The following MACROD2 variants were observed in gnomAD, a reference collection of about 807,000 sequenced individuals.
MACROD2 encodes mono-ADP ribosylhydrolase 2.
A neutral mutation model predicts 70.4 loss-of-function variants in MACROD2; 36 were observed. That is an observed-to-expected ratio of 0.51 (90% CI 0.39 to 0.68). MACROD2 has a LOEUF of 0.68. Ranked by LOEUF, MACROD2 falls within the 30% of genes least tolerant of loss-of-function variation. The pLI is 0.00. For synonymous variants in MACROD2, 172 were observed against 178.8 expected (o/e 0.96, Z 0.30); for missense variants, 496 against 538.4 (o/e 0.92, Z 0.78).
rs60107752 is a variant in MACROD2 at position 14,682,249 on chromosome 20, A to G, written c.302-2594A>G. Among the ~76,000 whole-genome samples the G allele has an allele frequency of 5.4e-3, 821 of 152,240 alleles. 16 individuals are homozygous for G. Among genetic ancestry groups the G allele is most frequent in the African/African-American group, 0.019 (783 of 41,550 alleles). On this transcript the variant is annotated intron_variant, in intron 4 of 17. Transcript: ENST00000684519. ...AGCAACTAATTACCTCTTTGCCAAG[A>G]AAACGTTTACTTTAAAATACTTTTC...
Position 14,776,124 on chromosome 20 carries a change from A to T in MACROD2, c.418+91165A>T, listed in dbSNP as rs937516822. On this transcript the variant is annotated intron_variant, in intron 5 of 17. Coordinates refer to ENST00000684519, the MANE Select transcript of MACROD2 (RefSeq NM_001351661.2). ...TTCAGAGACTGAAGAATGCAGACTG[A>T]ACAAACCTGAACCCATACAGGAAAA... Among the ~76,000 whole-genome samples the T allele has an allele frequency of 2.6e-5, 4 of 152,156 alleles. No individual in the cohort carries two copies. The East Asian group carries it at 5.8e-4, about 22-fold the overall frequency.
rs116052757 is a variant in MACROD2 at position 15,977,641 on chromosome 20, C to T, written c.986-9086C>T. On this transcript the variant is annotated intron_variant, in intron 13 of 17. Coordinates refer to ENST00000684519, the MANE Select transcript of MACROD2 (RefSeq NM_001351661.2). ...GACTTCTTATTAAATGGGTGCTGGG[C>T]AGGAAAATATGAATAAAACAAAATT... Among the ~76,000 whole-genome samples the T allele has an allele frequency of 3.9e-3, 588 of 152,156 alleles. 2 individuals carry two copies. The highest frequency in any genetic ancestry group is 0.014 in the African/African-American group (564 of 41,506).
At chr20:15,749,282 A>G (rs1208726174) in intron 8 of MACROD2, among the ~76,000 whole-genome samples, 1 of 152,124 alleles carries the variant, frequency 6.6e-6, no homozygotes, top group Non-Finnish European at 1.5e-5. Flanking sequence ...ATGAAAGAGT[A>G]TGAAACTTTT....
In MACROD2 at chr20:14,465,673, G is replaced by A. The variant is rs568148114; in HGVS notation, c.272-27806G>A. Among the ~76,000 whole-genome samples, 266 of 152,160 alleles carry A rather than the reference G, an allele frequency of 1.7e-3. 3 individuals carry two copies. The highest frequency in any genetic ancestry group is 6.1e-3 in the African/African-American group (255 of 41,476). ...GCATGTTTTTGCAGTGCCTGGTACC[G>A]GTTGTTCCTTTCCATGTTTAGTGCT... On this transcript the variant is annotated intron_variant, in intron 3 of 17. Transcript: ENST00000684519.
chr20:15,708,140 A>G (rs994050507), intron 8 of MACROD2, among the ~76,000 whole-genome samples: 20 of 152,116 alleles, frequency 1.3e-4, no homozygotes, highest in Non-Finnish European at 2.2e-4. Flanking sequence ...GCATTTATTA[A>G]TTAATATATT....
chr20:15,423,312 A>C (rs2046254471), intron 6 of MACROD2, among the ~76,000 whole-genome samples: 1 of 152,164 alleles, frequency 6.6e-6, no homozygotes, highest in Admixed American at 6.5e-5. Context: ...TAGTCTTCTC[A>C]TTGTTCTCCT....
intron 6 of MACROD2, among the ~76,000 whole-genome samples, chr20:15,387,089 T>G (rs1380893018): frequency 6.6e-6 from 1 of 152,076 alleles, no homozygotes; most frequent in Non-Finnish European, 1.5e-5. Context: ...TAATCAAAAT[T>G]CACAGTAAGT....
rs78656328 is a variant in MACROD2 at position 14,975,235 on chromosome 20, G to C, written c.419-254705G>C. 5.1e-3 allele frequency among the ~76,000 whole-genome samples: 774 copies of C among 152,280 alleles called. 5 individuals are homozygous for C. The highest frequency in any genetic ancestry group is 0.018 in the African/African-American group (745 of 41,572). ...ACTGATTAGAGGCTGGACAAAGGAA[G>C]GTGAGCCAGAGAAAAGGAGGCCAAG... is the stretch of plus-strand genomic sequence containing the variant. On this transcript the variant is annotated intron_variant, in intron 5 of 17. Coordinates refer to ENST00000684519, the MANE Select transcript of MACROD2 (RefSeq NM_001351661.2).
At chr20:14,038,080 C>T (rs558774563) in intron 2 of MACROD2, among the ~76,000 whole-genome samples, 10 of 152,160 alleles carry the variant, frequency 6.6e-5, no homozygotes, top group African/African-American at 1.9e-4. Flanking sequence ...GATCACTTCA[C>T]GTCAGGAGTT....
chr20:15,781,002 C>G (rs974315995), intron 8 of MACROD2, among the ~76,000 whole-genome samples: 1 of 152,096 alleles, frequency 6.6e-6, no homozygotes, highest in East Asian at 1.9e-4. Flanking sequence ...CCATGTTTCT[C>G]TAAATCCTAG....
chr20:14,439,928 G>T (rs1325908620), intron 3 of MACROD2, among the ~76,000 whole-genome samples: 1 of 152,180 alleles, frequency 6.6e-6, no homozygotes, highest in Non-Finnish European at 1.5e-5. Flanking sequence ...GAAAGCCCAT[G>T]AAAATGAGAC....
At chr20:14,003,574 A>C in intron 2 of MACROD2, 1 of 390,178 alleles carries the variant, frequency 2.6e-6, no homozygotes, top group South Asian at 2.5e-5. Flanking sequence ...TGGCCTTAAG[A>C]AGCCCCTGCC....
intron 8 of MACROD2, among the ~76,000 whole-genome samples, chr20:15,639,309 C>A (rs140244442): frequency 1.3e-3 from 195 of 152,280 alleles, no homozygotes; most frequent in African/African-American, 4.5e-3. Flanking sequence ...TTGAAGAATT[C>A]ATAATCAGAA....
intron 8 of MACROD2, among the ~76,000 whole-genome samples, chr20:15,794,819 A>G (rs1314249581): frequency 6.6e-6 from 1 of 152,240 alleles, no homozygotes; most frequent in Non-Finnish European, 1.5e-5. Context: ...CATCCGTAAC[A>G]GAGAACGCTA....
chr20:15,601,057 G>A (rs1348369730), intron 8 of MACROD2, among the ~76,000 whole-genome samples: 1 of 152,086 alleles, frequency 6.6e-6, no homozygotes, highest in Non-Finnish European at 1.5e-5. Flanking sequence ...GAACCAACAA[G>A]AAACATACAT....
At chr20:14,195,645 G>A (rs2081424438) in intron 3 of MACROD2, among the ~76,000 whole-genome samples, 1 of 151,974 alleles carries the variant, frequency 6.6e-6, no homozygotes, top group Non-Finnish European at 1.5e-5. Flanking sequence ...ATCAGAAGTA[G>A]ACAGAAGTGG....
chr20:15,353,596 T>C (rs1178994348), intron 6 of MACROD2, among the ~76,000 whole-genome samples: 2 of 151,752 alleles, frequency 1.3e-5, no homozygotes, highest in East Asian at 1.9e-4. Flanking sequence ...ATTTTTGCAA[T>C]CTACTCATCT....
intron 3 of MACROD2, among the ~76,000 whole-genome samples, chr20:14,483,362 C>T (rs934096828): frequency 6.6e-6 from 1 of 151,914 alleles, no homozygotes; most frequent in East Asian, 1.9e-4. Context: ...GATAGATTTT[C>T]CATATCTTTC....
chr20:14,391,540 A>C (rs2083526726), intron 3 of MACROD2, among the ~76,000 whole-genome samples: 1 of 152,064 alleles, frequency 6.6e-6, no homozygotes, highest in African/African-American at 2.4e-5. Context: ...TCCTTGGGTG[A>C]TGAAATAATC....
Sources: gnomAD v4.1 joint callset for allele counts (sites outside exome capture counted in the v4.1 genomes callset) on GRCh38, gnomAD v4.1.1 for gene constraint, MANE v1.5 for transcripts, NCBI Gene and HGNC (gene_info 2026-07-23, HGNC 2026-07-21) for gene names.